The following CSTF1 variants were observed in gnomAD, a reference collection of about 807,000 sequenced individuals.
The protein encoded by CSTF1 is cleavage stimulation factor subunit 1, also known as CF-1 50 kDa subunit.
A neutral mutation model predicts 40.9 loss-of-function variants in CSTF1; 2 were observed. That is an observed-to-expected ratio of 0.05 (90% CI 0.02 to 0.15). CSTF1 has a LOEUF of 0.15. CSTF1 is among the 10% of genes least tolerant of loss of function. The pLI, the probability that CSTF1 is intolerant of heterozygous loss-of-function variation, is 1.00. For synonymous variants in CSTF1, 218 were observed against 207.2 expected, an observed-to-expected ratio of 1.05 and a Z score of -0.45; for missense variants, 279 against 558.9, an observed-to-expected ratio of 0.50 and a Z score of 5.05.
At position 56,403,541 on chromosome 20, in the gene CSTF1, G is replaced by T; in HGVS notation, c.1110G>T (p.Leu370=). The T allele has an allele frequency of 1.9e-6, 3 of 1,614,124 alleles. No individual in the cohort carries two copies. The highest frequency in any genetic ancestry group is 2.5e-6 in the Non-Finnish European group (3 of 1,180,028). The change falls in exon 6 of 6, where the codon CTG becomes CTT. Residue 370 remains leucine, a synonymous_variant. Coordinates refer to ENST00000217109, the MANE Select transcript of CSTF1 (RefSeq NM_001324.3). ...ACCACACCGAGGACTATGTGTTGCT[G>T]CCCGACGAGAGGACGATCAGTCTTT... ...VFNHTEDYVL[L]PDERTISLCC... is the part of the protein sequence containing the mutation.
chr20:56,395,718 C>T lies in CSTF1; in HGVS notation c.166C>T (p.Leu56Phe). 1 of 1,613,252 alleles carries T rather than the reference C, an allele frequency of 6.2e-7. No homozygotes were observed. Among genetic ancestry groups the T allele is most frequent in the Non-Finnish European group, 8.5e-7 (1 of 1,179,628 alleles). The stretch of plus-strand genomic sequence containing the variant: ...GGAGCAGCTCCTGCATCTCATCAAA[C>T]TCGGTAGATTGTGAACACAAATCCA... Reference protein sequence around the residue: ...PSEQLLHLIKLGMENDDTAVQ... With the variant: ...PSEQLLHLIKFGMENDDTAVQ... Residue 56 changes from leucine to phenylalanine, a missense_variant, in exon 2 of 6, where the codon CTC (leucine) becomes TTC (phenylalanine). Physicochemically the swap from Leu to Phe is conservative, Grantham distance 22. Transcript: ENST00000217109.
intron 1 of CSTF1, 83 bp from the exon 2 acceptor site, chr20:56,395,438 T>C (rs917952872): frequency 1.2e-6 from 1 of 837,194 alleles, no homozygotes; most frequent in Admixed American, 3.0e-5. Context: ...TCCTGCAAGA[T>C]TAAGTCTGAC....
rs986557099 is a variant in CSTF1, at chr20:56,405,728, A to T, written c.*2001A>T. On this transcript the variant is annotated 3_prime_UTR_variant, in exon 6 of 6. Transcript: ENST00000217109. ...TTGTACTTTGCATTCTGATTCTTTG[A>T]TATTTGAACTTGGCCATCTGTGGGT... is the stretch of plus-strand genomic sequence containing the variant. 1 of 152,198 alleles carries T rather than the reference A, an allele frequency of 6.6e-6. No individual in the cohort carries two copies. The highest frequency in any genetic ancestry group is 6.5e-5 in the Admixed American group (1 of 15,278). The allele number at this position is 152,198 out of a possible 1,614,324, so 9.4% of individuals were successfully genotyped here.
Position 56,403,622 on chromosome 20 carries a change from C to T in CSTF1, c.1191C>T (p.Asn397=). Residue 397 remains asparagine, a synonymous_variant, in exon 6 of 6, where the codon AAC becomes AAT. Coordinates refer to ENST00000217109, the MANE Select transcript of CSTF1 (RefSeq NM_001324.3). ...GAAACCTGCTGTCGTTGGGGCACAA[C>T]AATATTGTACGCTGCATAGTGCACT... ...ERRNLLSLGH[N]NIVRCIVHSP... is the part of the protein sequence containing the mutation. 2 of 1,614,058 alleles carry T rather than the reference C, an allele frequency of 1.2e-6. No homozygotes were observed. Among genetic ancestry groups the T allele is most frequent in the Non-Finnish European group, 1.7e-6 (2 of 1,180,020 alleles).
At chr20:56,398,289 C>A (rs989796224) in intron 4 of CSTF1, among the ~76,000 whole-genome samples, 3 of 152,120 alleles carry the variant, frequency 2.0e-5, no homozygotes, top group Non-Finnish European at 2.9e-5. Flanking sequence ...TTAAACTAGG[C>A]TGGTTGCAGT....
chr20:56,392,387 T>G (rs576943598), upstream of CSTF1: 2 of 152,412 alleles, frequency 1.3e-5, no homozygotes, highest in East Asian at 3.9e-4. Context: ...CCGGAAGTGG[T>G]GGAGCCAACG....
chr20:56,397,760 G>A lies in CSTF1; in HGVS notation c.564G>A (p.Leu188=), dbSNP rs1299345028. 3.1e-6 allele frequency: 5 copies of A among 1,613,950 alleles called. No homozygotes were observed. The Admixed American group carries it at 5.0e-5, about 16-fold the overall frequency. Residue 188 remains leucine (L), a synonymous_variant, in exon 4 of 6, where the codon CTG becomes CTA. Coordinates refer to ENST00000217109, the MANE Select transcript of CSTF1 (RefSeq NM_001324.3). The surrounding 1 kb of genome is among the most constrained non-coding windows in gnomAD (Gnocchi z 4.4). Reference sequence around the variant, plus strand: ...CTTTCCACCCAACAGAACAGATCCTGGCTTCTGGTTCAAGGGATTATACTC... The same window carrying A: ...CTTTCCACCCAACAGAACAGATCCTAGCTTCTGGTTCAAGGGATTATACTC... ...CLAFHPTEQI[L]ASGSRDYTLK...
chr20:56,406,234 CGTTAATT>C lies in CSTF1; in HGVS notation c.*2510_*2516del, dbSNP rs1181846564. On this transcript the variant is annotated 3_prime_UTR_variant, in exon 6 of 6. Transcript: ENST00000217109. The stretch of plus-strand genomic sequence containing the variant: ...TTATATGGACTTAGTATCTGCATCT[CGTTAATT>C]GTACCACACAACACTCTGCCATTCA... 2.0e-5 allele frequency: 3 copies of C among 151,318 alleles called. No individual in the cohort carries two copies. Among genetic ancestry groups the C allele is most frequent in the Non-Finnish European group, 1.5e-5 (1 of 67,964 alleles). 9.4% of individuals were successfully genotyped at this position (151,318 alleles called of 1,614,324 possible).
chr20:56,402,450 G>A (rs2426622), intron 5 of CSTF1, among the ~76,000 whole-genome samples: 47,807 of 151,988 alleles, frequency 0.31, 9,623 homozygotes, highest in Non-Finnish European at 0.44. Flanking sequence ...ACTTTATTTG[G>A]TACTTTTAAA....
Position 56,403,659 on chromosome 20 carries a change from C to T in CSTF1, c.1228C>T (p.Pro410Ser), listed in dbSNP as rs200478464. 5 of 1,613,982 alleles carry T rather than the reference C, an allele frequency of 3.1e-6. No individual in the cohort carries two copies. ...CTGCATAGTGCACTCCCCCACCAAC[C>T]CCGGGTTCATGACGTGCAGCGATGA... ...VRCIVHSPTN[P>S]GFMTCSDDFR... The change falls in exon 6 of 6, where the codon CCC (proline) becomes TCC (serine). Residue 410 changes from proline (P) to serine (S), a missense_variant. Physicochemically the swap from Pro to Ser is moderately conservative, Grantham distance 74 (BLOSUM62 -1). Around this residue, in one of 4 missense-constraint regions of CSTF1, gnomAD observed 162 missense variants for 337.1 expected, o/e 0.48. Coordinates refer to ENST00000217109, the MANE Select transcript of CSTF1 (RefSeq NM_001324.3).
At position 56,397,070 on chromosome 20, in the gene CSTF1, G is replaced by A. The variant is rs2146243949; in HGVS notation, c.170-137G>A. 4.6e-6 allele frequency: 4 copies of A among 875,192 alleles called. No individual in the cohort carries two copies. The highest frequency in any genetic ancestry group is 1.7e-5 in the South Asian group (1 of 58,344). 54.2% of individuals were successfully genotyped at this position (875,192 alleles called of 1,614,324 possible). A position where few individuals can be genotyped will look rare whatever the true frequency, so the allele number is the denominator to read the frequency against. Reference sequence around the variant, plus strand: ...GGCAAAATACACAGTTTTGTAAAGTGTTAGGTGTCACGCGGCTCCAAGAAA... The same window carrying A: ...GGCAAAATACACAGTTTTGTAAAGTATTAGGTGTCACGCGGCTCCAAGAAA... On this transcript the variant is annotated intron_variant, in intron 2 of 5. Transcript: ENST00000217109. This position sits in a 1 kb window ranked among gnomAD's most constrained non-coding sequence, Gnocchi z 4.4.
In CSTF1 at chr20:56,395,947, G is replaced by A. The variant is rs6127738; in HGVS notation, c.169+226G>A. The A allele has an allele frequency of 1.5e-5, 7 of 467,542 alleles. No individual in the cohort carries two copies. The East Asian group carries it at 2.5e-4, about 17-fold the overall frequency. The allele number at this position is 467,542 out of a possible 1,614,324, so 29.0% of individuals were successfully genotyped here. ...AGCTGGTTCTGGCCTGAGGGTCTTT[G>A]TACACATTATCTGGAACACTCTGTC... On this transcript the variant is annotated intron_variant, in intron 2 of 5. Transcript: ENST00000217109.
chr20:56,393,229 G>A (rs1987363845), intron 1 of CSTF1, among the ~76,000 whole-genome samples: 1 of 151,718 alleles, frequency 6.6e-6, no homozygotes, highest in African/African-American at 2.4e-5. Context: ...TGAAGAGACC[G>A]GATAGAACAG....
chr20:56,394,135 A>G (rs1038617907), intron 1 of CSTF1, among the ~76,000 whole-genome samples: 1 of 152,190 alleles, frequency 6.6e-6, no homozygotes, highest in Non-Finnish European at 1.5e-5. Flanking sequence ...TAGACCTACT[A>G]TGTTCATGTA....
rs1295098203 is a variant in CSTF1 at position 56,395,642 on chromosome 20, C to T, written c.90C>T (p.Ile30=). ...SQLLYDGYIS[I]ANGLINEIKP... The stretch of plus-strand genomic sequence containing the variant: ...TGCTATATGACGGCTACATCAGCAT[C>T]GCCAATGGCCTCATCAATGAAATCA... The change falls in exon 2 of 6, where the codon ATC becomes ATT. Residue 30 remains isoleucine, a synonymous_variant. Transcript: ENST00000217109. The T allele has an allele frequency of 1.1e-5, 17 of 1,614,046 alleles. No individual in the cohort carries two copies. Among genetic ancestry groups the T allele is most frequent in the Admixed American group, 1.7e-5 (1 of 59,992 alleles).
rs1978626222 is a variant in CSTF1, at chr20:56,404,617, C to T, written c.*890C>T. On this transcript the variant is annotated 3_prime_UTR_variant, in exon 6 of 6. Transcript: ENST00000217109. ...ATTCTCAGAAGATTTATGCAGTTAA[C>T]CAATTGATACAAGTTTTCTTTTTCT... 1 of 151,500 alleles carries T rather than the reference C, an allele frequency of 6.6e-6. No individual in the cohort carries two copies. Among genetic ancestry groups the T allele is most frequent in the Admixed American group, 6.6e-5 (1 of 15,172 alleles). 9.4% of individuals were successfully genotyped at this position (151,500 alleles called of 1,614,324 possible).
At position 56,403,968 on chromosome 20, in the gene CSTF1, C is replaced by T. The variant is rs1216542373; in HGVS notation, c.*241C>T. On this transcript the variant is annotated 3_prime_UTR_variant, in exon 6 of 6. Transcript: ENST00000217109. ...CTGATTATTACAGTGTGATTTTCATCGGTTTTGTAAGTACAGGACTTGCCG... is the reference window on the plus strand; with the variant it reads ...CTGATTATTACAGTGTGATTTTCATTGGTTTTGTAAGTACAGGACTTGCCG... 10 of 450,136 alleles carry T rather than the reference C, an allele frequency of 2.2e-5. No homozygotes were observed. Among genetic ancestry groups the T allele is most frequent in the Non-Finnish European group, 4.0e-5 (10 of 252,904 alleles). 27.9% of individuals were successfully genotyped at this position (450,136 alleles called of 1,614,324 possible). A position where few individuals can be genotyped will look rare whatever the true frequency, so the allele number is the denominator to read the frequency against.
chr20:56,402,777 A>G (rs1978515954), intron 5 of CSTF1, among the ~76,000 whole-genome samples: 1 of 151,498 alleles, frequency 6.6e-6, no homozygotes, highest in Non-Finnish European at 1.5e-5. Context: ...TTTACTAAAA[A>G]TACAAAAATT....
At chr20:56,398,513 G>A (rs1978327164) in intron 4 of CSTF1, among the ~76,000 whole-genome samples, 1 of 152,232 alleles carries the variant, frequency 6.6e-6, no homozygotes, top group South Asian at 2.1e-4. Flanking sequence ...TGAGCCTGCA[G>A]TGAGCTGTGA....
Sources: gnomAD v4.1 joint callset for allele counts (sites outside exome capture counted in the v4.1 genomes callset) on GRCh38, gnomAD v4.1.1 for gene constraint, gnomAD v4.1.1 regional missense constraint, Gnocchi (gnomAD v3.1) non-coding constraint, MANE v1.5 for transcripts, NCBI Gene and HGNC (gene_info 2026-07-23, HGNC 2026-07-21) for gene names.